NOL10: variants seen among roughly 807,000 people sequenced by gnomAD.
NOL10 encodes the protein H_NH0074G24.1.
Under a neutral mutation model 103.5 loss-of-function variants are expected in NOL10, and 58 were observed. That is an observed-to-expected ratio of 0.56 (90% CI 0.45 to 0.70). The LOEUF (loss-of-function observed/expected upper bound fraction) is 0.70. Ranked by LOEUF, NOL10 falls within the 30% of genes least tolerant of loss-of-function variation. The pLI, the probability that NOL10 is intolerant of heterozygous loss-of-function variation, is 0.00. For missense variants in NOL10, 763 were observed against 807.3 expected, an observed-to-expected ratio of 0.95 and a Z score of 0.67; for synonymous variants, 287 against 282.5, an observed-to-expected ratio of 1.02 and a Z score of -0.16.
At chr2:10,581,686 A>C (rs1674763169) in intron 19 of NOL10, among the ~76,000 whole-genome samples, 1 of 152,082 alleles carries the variant, frequency 6.6e-6, no homozygotes. Flanking sequence ...AATTAGCCGC[A>C]TGTGGTGGCC....
intron 13 of NOL10, among the ~76,000 whole-genome samples, chr2:10,615,481 G>A (rs186905894): frequency 2.0e-5 from 3 of 152,238 alleles, no homozygotes; most frequent in South Asian, 2.1e-4. Flanking sequence ...GAGACAGGAC[G>A]CCCCAAGCAA....
intron 6 of NOL10, 42 bp downstream of exon 6, chr2:10,671,512 T>G: frequency 6.9e-7 from 1 of 1,442,248 alleles, no homozygotes; most frequent in South Asian, 1.6e-5. Flanking sequence ...AAGTTGGTTG[T>G]TTTAGGAGGT....
intron 13 of NOL10, among the ~76,000 whole-genome samples, chr2:10,615,051 G>A (rs1676760725): frequency 6.6e-6 from 1 of 152,176 alleles, no homozygotes; most frequent in South Asian, 2.1e-4. Flanking sequence ...GAGAACACTG[G>A]GTGAGCCAGA....
intron 13 of NOL10, among the ~76,000 whole-genome samples, chr2:10,618,527 A>G (rs1676959452): frequency 6.6e-6 from 1 of 152,252 alleles, no homozygotes; most frequent in Non-Finnish European, 1.5e-5. Flanking sequence ...TGTATGATTA[A>G]TATTTGCAAA....
chr2:10,576,586 T>C (rs909509528), intron 20 of NOL10, among the ~76,000 whole-genome samples: 2 of 152,198 alleles, frequency 1.3e-5, no homozygotes, highest in Non-Finnish European at 2.9e-5. Flanking sequence ...TTGAAAACAT[T>C]ATGCTCAGTG....
intron 12 of NOL10, among the ~76,000 whole-genome samples, chr2:10,651,001 AAG>A (rs775069893): frequency 4.6e-5 from 7 of 152,278 alleles, no homozygotes; most frequent in Admixed American, 3.9e-4. Flanking sequence ...ATTTCTCAGA[AAG>A]AGGCTTCTTT....
chr2:10,658,004 T>C, intron 10 of NOL10, 113 bp from the exon 11 acceptor site: 3 of 687,716 alleles, frequency 4.4e-6, no homozygotes, highest in Admixed American at 6.4e-5. Context: ...ATGAACACAA[T>C]GAACACCCTT....
intron 13 of NOL10, among the ~76,000 whole-genome samples, chr2:10,634,769 G>A (rs900763979): frequency 6.6e-6 from 1 of 152,178 alleles, no homozygotes; most frequent in Non-Finnish European, 1.5e-5. Flanking sequence ...AGCCAGTGAA[G>A]ACTGAAAAGA....
At chr2:10,681,425 T>C (rs1681745364) in intron 3 of NOL10, among the ~76,000 whole-genome samples, 1 of 152,296 alleles carries the variant, frequency 6.6e-6, no homozygotes, top group East Asian at 1.9e-4. Context: ...GCTAAACTTG[T>C]CTATATTGAA....
intron 19 of NOL10, among the ~76,000 whole-genome samples, chr2:10,581,136 A>T (rs1476770243): frequency 6.6e-6 from 1 of 152,214 alleles, no homozygotes; most frequent in Admixed American, 6.5e-5. Context: ...GCAACCACGA[A>T]ATCTGATGCC....
chr2:10,616,886 C>A (rs1246550043), intron 13 of NOL10, among the ~76,000 whole-genome samples: 1 of 152,106 alleles, frequency 6.6e-6, no homozygotes, highest in Non-Finnish European at 1.5e-5. Context: ...TAAGCTCCCT[C>A]CCCATTCACT....
rs570773124 is a variant in NOL10, at chr2:10,573,618, T to C, written c.1948-1428A>G. On this transcript the variant is annotated intron_variant, in intron 20 of 20. Coordinates refer to ENST00000381685, the MANE Select transcript of NOL10 (RefSeq NM_024894.4). Reference sequence around the variant, plus strand: ...TCTTCTAAAATTGAAGAGTTGCAAGTGAGAGAATAGCGGGGAAGGAAAGCA... The same window carrying C: ...TCTTCTAAAATTGAAGAGTTGCAAGCGAGAGAATAGCGGGGAAGGAAAGCA... Among the ~76,000 whole-genome samples the C allele has an allele frequency of 1.6e-4, 23 of 141,614 alleles. No individual in the cohort carries two copies. The South Asian group carries it at 4.9e-3, about 30-fold the overall frequency. The allele number at this position is 141,614 out of a possible 152,430, so 92.9% of individuals were successfully genotyped here.
intron 2 of NOL10, 29 bp from the exon 3 acceptor site, chr2:10,682,098 T>A: frequency 9.6e-7 from 1 of 1,040,290 alleles, no homozygotes; most frequent in Non-Finnish European, 1.4e-6. Flanking sequence ...ACAACTAGTT[T>A]AACTAACATG....
chr2:10,670,850 CATTTACTACTTA>C (rs1680886387), intron 6 of NOL10, among the ~76,000 whole-genome samples: 1 of 152,202 alleles, frequency 6.6e-6, no homozygotes, highest in Non-Finnish European at 1.5e-5. Flanking sequence ...TTCTTAAATA[CATTTACTACTTA>C]ATGGTTTTGA....
intron 12 of NOL10, 32 bp from the exon 13 acceptor site, chr2:10,644,404 C>A: frequency 6.8e-7 from 1 of 1,480,442 alleles, no homozygotes; most frequent in Non-Finnish European, 9.0e-7. Context: ...AAGGTCAATG[C>A]ATAGGAAAAA....
chr2:10,633,813 GTA>G (rs1491266092), intron 13 of NOL10, among the ~76,000 whole-genome samples: 6,172 of 115,622 alleles, frequency 0.053, 414 homozygotes, highest in African/African-American at 0.16. Flanking sequence ...GTGTGTGTGT[GTA>G]TATATATATA....
intron 13 of NOL10, among the ~76,000 whole-genome samples, chr2:10,640,724 C>T (rs1214551817): frequency 1.3e-5 from 2 of 152,168 alleles, no homozygotes; most frequent in African/African-American, 4.8e-5. Flanking sequence ...CCCTAAGAAA[C>T]TGATCCAGAG....
Position 10,676,040 on chromosome 2 carries a change from G to C in NOL10, c.212-169C>G, listed in dbSNP as rs561700126. ...CTCAAACACCCCAAGGAAAAACTGA[G>C]CAAAAGCTAAACAAGCAAGTCATAG... On this transcript the variant is annotated intron_variant, in intron 3 of 20. Transcript: ENST00000381685. 2.0e-5 allele frequency among the ~76,000 whole-genome samples: 3 copies of C among 152,228 alleles called. No homozygotes were observed. The South Asian group carries it at 6.2e-4, about 32-fold the overall frequency.
Position 10,572,060 on chromosome 2 carries a change from C to T in NOL10, c.*11G>A. On this transcript the variant is annotated 3_prime_UTR_variant, in exon 21 of 21. Coordinates refer to ENST00000381685, the MANE Select transcript of NOL10 (RefSeq NM_024894.4). The stretch of plus-strand genomic sequence containing the variant: ...ACCCCTCCCTAATCACAGGTAGGAC[C>T]ACTTCCCAAATCAATGAAACGACCG... 4 of 1,613,194 alleles carry T rather than the reference C, an allele frequency of 2.5e-6. No individual in the cohort carries two copies. The highest frequency in any genetic ancestry group is 3.4e-6 in the Non-Finnish European group (4 of 1,179,866).
Sources: gnomAD v4.1 joint callset for allele counts (sites outside exome capture counted in the v4.1 genomes callset) on GRCh38, gnomAD v4.1.1 for gene constraint, MANE v1.5 for transcripts, NCBI Gene and HGNC (gene_info 2026-07-23, HGNC 2026-07-21) for gene names.